PACC1: variants seen among roughly 807,000 people sequenced by gnomAD.
The protein encoded by PACC1 is proton activated chloride channel 1.
PACC1 carries 34 observed loss-of-function variants against 39.7 expected under a neutral mutation model. That is an observed-to-expected ratio of 0.86 (90% confidence interval 0.65 to 1.14). PACC1 has a LOEUF of 1.14. Among genes scored for constraint, PACC1 ranks in the 50% most tolerant of loss-of-function variants. The pLI is 0.00. For synonymous variants in PACC1, 127 were observed against 160.6 expected (o/e 0.79, Z 1.58); for missense variants, 379 against 436.4 (o/e 0.87, Z 1.17).
At chr1:212,385,044 A>T (rs1421316615) in intron 4 of PACC1, among the ~76,000 whole-genome samples, 1 of 152,222 alleles carries the variant, frequency 6.6e-6, no homozygotes, top group African/African-American at 2.4e-5. Context: ...ACTGTCAGGA[A>T]TCCCTGAGCA....
intron 7 of PACC1, among the ~76,000 whole-genome samples, chr1:212,373,086 C>T (rs926012223): frequency 6.6e-6 from 1 of 152,188 alleles, no homozygotes; most frequent in African/African-American, 2.4e-5. Context: ...GAAGGCATCA[C>T]ACTACCTGAC....
chr1:212,370,813 A>G (rs1660423884), intron 7 of PACC1, among the ~76,000 whole-genome samples: 1 of 152,264 alleles, frequency 6.6e-6, no homozygotes, highest in Admixed American at 6.5e-5. Flanking sequence ...GGAAGTTTAT[A>G]ATAAATGCCT....
At chr1:212,377,008 A>T (rs901532349) in intron 6 of PACC1, 2 of 152,414 alleles carry the variant, frequency 1.3e-5, no homozygotes, top group Non-Finnish European at 2.9e-5. Flanking sequence ...ATGTTATATC[A>T]CCTGCAGAGT....
intron 2 of PACC1, among the ~76,000 whole-genome samples, chr1:212,404,117 A>AT (rs1201683258): frequency 6.7e-6 from 1 of 148,948 alleles, no homozygotes; most frequent in African/African-American, 2.5e-5. Context: ...TTATTTATTT[A>AT]TTTTTTTGAG....
intron 2 of PACC1, among the ~76,000 whole-genome samples, chr1:212,396,716 A>C (rs1369679850): frequency 6.6e-6 from 1 of 151,406 alleles, no homozygotes; most frequent in Non-Finnish European, 1.5e-5. Context: ...AAAAAAAAAA[A>C]AAACCATCCC....
At chr1:212,402,420 T>C (rs934391172) in intron 2 of PACC1, among the ~76,000 whole-genome samples, 1 of 152,256 alleles carries the variant, frequency 6.6e-6, no homozygotes, top group Non-Finnish European at 1.5e-5. Flanking sequence ...ACTAATGATG[T>C]TGGCATTATT....
In PACC1 at chr1:212,380,011, G is replaced by A; in HGVS notation, c.522C>T (p.Pro174=). ...CCAGCTCCCGCTTTTTCACTTCCCG[G>A]GGCCCCTGGACAATCAGGGCAGATT... The part of the protein sequence containing the change: ...TVKSALIVQG[P]REVKKRELVF... Residue 174 remains proline, a synonymous_variant, in exon 5 of 8, where the codon CCC becomes CCT. Transcript: ENST00000261455. 6.2e-7 allele frequency: 1 copy of A among 1,614,110 alleles called. No homozygotes were observed. The highest frequency in any genetic ancestry group is 8.5e-7 in the Non-Finnish European group (1 of 1,180,012).
chr1:212,384,297 CA>C (rs34538954), intron 4 of PACC1, among the ~76,000 whole-genome samples: 1 of 149,430 alleles, frequency 6.7e-6, no homozygotes, highest in Non-Finnish European at 1.5e-5. Context: ...CACATACTAA[CA>C]AAAAAAAAAT....
intron 2 of PACC1, among the ~76,000 whole-genome samples, chr1:212,394,678 T>C (rs1321525187): frequency 6.6e-6 from 1 of 152,216 alleles, no homozygotes; most frequent in Non-Finnish European, 1.5e-5. Flanking sequence ...ACTGTATATC[T>C]AGAAAACCCC....
intron 1 of PACC1, among the ~76,000 whole-genome samples, chr1:212,411,523 C>T (rs892415469): frequency 1.3e-5 from 2 of 151,940 alleles, no homozygotes; most frequent in African/African-American, 2.4e-5. Flanking sequence ...GGAAGAAGGA[C>T]GGAAAGGATA....
chr1:212,376,178 G>A (rs1660659212), intron 6 of PACC1, among the ~76,000 whole-genome samples: 1 of 152,132 alleles, frequency 6.6e-6, no homozygotes, highest in Non-Finnish European at 1.5e-5. Flanking sequence ...AACAAAGGCA[G>A]AAACCAGCTC....
intron 4 of PACC1, among the ~76,000 whole-genome samples, chr1:212,384,242 C>T (rs1280349261): frequency 2.6e-5 from 4 of 152,104 alleles, no homozygotes; most frequent in Admixed American, 6.6e-5. Context: ...TATCTCATTC[C>T]TTAGAGAATC....
At chr1:212,408,226 T>A (rs990496045) in intron 2 of PACC1, among the ~76,000 whole-genome samples, 12 of 152,114 alleles carry the variant, frequency 7.9e-5, no homozygotes, top group African/African-American at 2.7e-4. Flanking sequence ...AAAAGGGGGA[T>A]AACCACTTCA....
intron 6 of PACC1, among the ~76,000 whole-genome samples, chr1:212,376,418 G>A (rs1160704533): frequency 6.6e-6 from 1 of 152,166 alleles, no homozygotes; most frequent in Non-Finnish European, 1.5e-5. Context: ...TTTCTTTAAT[G>A]TACAGGTTCA....
chr1:212,411,229 T>C (rs1437350161), intron 1 of PACC1, among the ~76,000 whole-genome samples: 4 of 152,100 alleles, frequency 2.6e-5, no homozygotes, highest in Non-Finnish European at 4.4e-5. Flanking sequence ...TTGGTCTAGT[T>C]CCAAAGCCCA....
At chr1:212,393,585 T>C (rs1182622287) in intron 2 of PACC1, among the ~76,000 whole-genome samples, 1 of 151,978 alleles carries the variant, frequency 6.6e-6, no homozygotes, top group Non-Finnish European at 1.5e-5. Context: ...ATAACTAAGA[T>C]CAGAGCAGAA....
At chr1:212,396,921 G>A (rs1661549518) in intron 2 of PACC1, among the ~76,000 whole-genome samples, 1 of 151,680 alleles carries the variant, frequency 6.6e-6, no homozygotes, top group African/African-American at 2.4e-5. Context: ...GAAGACAATG[G>A]AACATCTTCA....
chr1:212,414,572 C>CGCA, intron 1 of PACC1, 150 bp downstream of exon 1: 2 of 1,003,650 alleles, frequency 2.0e-6, no homozygotes, highest in South Asian at 3.1e-5. Context: ...CTCCTCTGCA[C>CGCA]CCCGGGAGCC....
intron 4 of PACC1, among the ~76,000 whole-genome samples, chr1:212,382,441 G>A (rs1660937928): frequency 6.6e-6 from 1 of 152,154 alleles, no homozygotes; most frequent in African/African-American, 2.4e-5. Context: ...TAAGGATCCC[G>A]CAGGCTGGAA....
Sources: allele counts gnomAD v4.1 joint callset (sites outside exome capture counted in the v4.1 genomes callset), GRCh38; gene constraint gnomAD v4.1.1; transcripts MANE v1.5; gene names NCBI Gene and HGNC (gene_info 2026-07-23, HGNC 2026-07-21).